NUP205: variants seen among roughly 807,000 people sequenced by gnomAD.
The protein encoded by NUP205 is nuclear pore complex protein Nup205.
In NUP205, 76 loss-of-function variants were observed where a neutral mutation model predicts 253.8. That is an observed-to-expected ratio of 0.30 (90% confidence interval 0.25 to 0.36). The LOEUF (loss-of-function observed/expected upper bound fraction) is 0.36, where lower values mean the gene tolerates loss of function less well. Among genes scored for constraint, NUP205 ranks in the 10% least tolerant of loss-of-function variants. The probability of loss-of-function intolerance (pLI) is 1.00; values close to 1 mark genes in which losing one functional copy is unlikely to be tolerated. For missense variants in NUP205, 2,162 were observed against 2,425.5 expected, an observed-to-expected ratio of 0.89 and a Z score of 2.28; for synonymous variants, 832 against 850.1, an observed-to-expected ratio of 0.98 and a Z score of 0.37.
intron 1 of NUP205, among the ~76,000 whole-genome samples, chr7:135,558,800 A>G (rs913024190): frequency 1.3e-5 from 2 of 152,206 alleles, no homozygotes; most frequent in African/African-American, 4.8e-5. Context: ...TAATGCCTCG[A>G]TTGAGATGCT....
intron 16 of NUP205, 56 bp from the exon 17 acceptor site, chr7:135,601,314 G>C: frequency 6.8e-7 from 1 of 1,469,846 alleles, no homozygotes; most frequent in Non-Finnish European, 9.4e-7. Flanking sequence ...TATAAATCAA[G>C]GGTGTGACAA....
intron 18 of NUP205, among the ~76,000 whole-genome samples, chr7:135,603,616 T>TCTCCCACCTCAGC (rs201462533): frequency 0.036 from 5,486 of 151,606 alleles, 134 homozygotes; most frequent in Middle Eastern, 0.099. Flanking sequence ...CTCAGGCGAT[T>TCTCCCACCTCAGC]CTCCCACCTC....
At chr7:135,621,452 C>A (rs1794468322) in intron 30 of NUP205, among the ~76,000 whole-genome samples, 1 of 152,146 alleles carries the variant, frequency 6.6e-6, no homozygotes, top group African/African-American at 2.4e-5. Context: ...CTAGGTGGGG[C>A]TCTACAATAG....
intron 42 of NUP205, among the ~76,000 whole-genome samples, chr7:135,647,393 A>G (rs904886828): frequency 6.6e-6 from 1 of 152,232 alleles, no homozygotes; most frequent in Non-Finnish European, 1.5e-5. Context: ...CCCAATCCAG[A>G]CTACATTCGC....
Position 135,597,394 on chromosome 7 carries a change from C to G in NUP205, c.2040C>G (p.Ser680Arg). 2 of 1,611,188 alleles carry G rather than the reference C, an allele frequency of 1.2e-6. No individual in the cohort carries two copies. Among genetic ancestry groups the G allele is most frequent in the Non-Finnish European group, 1.7e-6 (2 of 1,177,436 alleles). The change falls in exon 14 of 43, where the codon AGC becomes AGG. Residue 680 changes from serine (S) to arginine (R), a missense_variant. This residue lies in a region of NUP205 where 892 missense variants were observed against 957.1 expected (regional missense o/e 0.93). Coordinates refer to ENST00000285968, the MANE Select transcript of NUP205 (RefSeq NM_015135.3). Reference sequence around the variant, plus strand: ...TACTGCAGACCGTGAGGATTCCAAGCCAAAGGCAAGCTATTGGTATTGAGG... The same window carrying G: ...TACTGCAGACCGTGAGGATTCCAAGGCAAAGGCAAGCTATTGGTATTGAGG... Reference protein sequence around the residue: ...TQILQTVRIPSQRQAIGIEVE... With the variant: ...TQILQTVRIPRQRQAIGIEVE...
intron 36 of NUP205, 88 bp from the exon 37 acceptor site, chr7:135,637,843 C>A: frequency 1.6e-6 from 2 of 1,229,348 alleles, no homozygotes; most frequent in Non-Finnish European, 2.3e-6. Context: ...TGATTCCATT[C>A]TCCACTGAGT....
intron 3 of NUP205, among the ~76,000 whole-genome samples, chr7:135,575,072 T>C (rs1806116862): frequency 6.6e-6 from 1 of 152,198 alleles, no homozygotes; most frequent in African/African-American, 2.4e-5. Context: ...ATTATATCAC[T>C]CCAGTGATAT....
intron 42 of NUP205, 97 bp downstream of exon 42, chr7:135,646,328 C>T (rs1340917588): frequency 2.4e-5 from 21 of 875,572 alleles, no homozygotes; most frequent in South Asian, 1.3e-4. Flanking sequence ...TTTGGGAGGC[C>T]GAGACGGGAG....
intron 15 of NUP205, among the ~76,000 whole-genome samples, chr7:135,599,648 T>C (rs73725166): frequency 0.034 from 5,163 of 152,298 alleles, 119 homozygotes; most frequent in Middle Eastern, 0.1. Flanking sequence ...GAGCATTAGT[T>C]AGCCATATTC....
chr7:135,636,794 C>T (rs1563138843), intron 36 of NUP205, among the ~76,000 whole-genome samples: 1 of 152,010 alleles, frequency 6.6e-6, no homozygotes, highest in Non-Finnish European at 1.5e-5. Flanking sequence ...TCGCTTGAGG[C>T]CAGGAGTTTG....
At chr7:135,615,398 A>G (rs777275129) in intron 23 of NUP205, among the ~76,000 whole-genome samples, 1 of 152,198 alleles carries the variant, frequency 6.6e-6, no homozygotes, top group African/African-American at 2.4e-5. Context: ...TGTCTCTACA[A>G]TAAAAAATAA....
intron 1 of NUP205, among the ~76,000 whole-genome samples, chr7:135,570,702 TTATATTA>T (rs1805944657): frequency 9.1e-6 from 1 of 110,490 alleles, no homozygotes; most frequent in African/African-American, 3.7e-5. Flanking sequence ...ATATAATTAA[TTATATTA>T]ATATAATTAA....
chr7:135,614,290 C>T lies in NUP205; in HGVS notation c.3310+17C>T. 7.9e-7 allele frequency: 1 copy of T among 1,266,902 alleles called. No homozygotes were observed. Among genetic ancestry groups the T allele is most frequent in the Non-Finnish European group, 1.2e-6 (1 of 864,652 alleles). 78.5% of individuals were successfully genotyped at this position (1,266,902 alleles called of 1,614,324 possible). Reference sequence around the variant, plus strand: ...CTAACAAAGGTAGGCCATTATTTTCCCGTATTTATAAGAACACATTTATAA... The same window carrying T: ...CTAACAAAGGTAGGCCATTATTTTCTCGTATTTATAAGAACACATTTATAA... On this transcript the variant is annotated intron_variant, in intron 23 of 42. Transcript: ENST00000285968.
rs1043660808 is a variant in NUP205, at chr7:135,619,434, T to A, written c.3975T>A (p.Asp1325Glu). 6.2e-7 allele frequency: 1 copy of A among 1,612,658 alleles called. No individual in the cohort carries two copies. Among genetic ancestry groups the A allele is most frequent in the Non-Finnish European group, 8.5e-7 (1 of 1,179,908 alleles). Residue 1325 changes from aspartate (D) to glutamate (E), a missense_variant, in exon 29 of 43, where the codon GAT (aspartate) becomes GAA (glutamate). Transcript: ENST00000285968. ...CCTTGTCCTTTAAGATACTGGATGA[T>A]GAAGCTGCGCAAGAGTTAATGCCTG... is the stretch of plus-strand genomic sequence containing the variant. ...LQDVHDKILD[D>E]EAAQELMPVV... is the part of the protein sequence containing the mutation.
intron 8 of NUP205, among the ~76,000 whole-genome samples, chr7:135,586,503 A>G (rs1290008332): frequency 1.3e-5 from 2 of 152,120 alleles, no homozygotes; most frequent in East Asian, 1.9e-4. Flanking sequence ...TTTTTAAGAT[A>G]TAAGCTTAGA....
chr7:135,581,023 G>A (rs557161224), intron 7 of NUP205, among the ~76,000 whole-genome samples: 1 of 152,022 alleles, frequency 6.6e-6, no homozygotes, highest in Non-Finnish European at 1.5e-5. Flanking sequence ...AGCTTTAATA[G>A]TTAGGGGTAT....
At chr7:135,623,046 G>A (rs1414920655) in intron 31 of NUP205, 121 bp downstream of exon 31, 1 of 941,530 alleles carries the variant, frequency 1.1e-6, no homozygotes, top group East Asian at 2.7e-5. Flanking sequence ...CGAAGGCCAA[G>A]GTGGGTGGAT....
At chr7:135,596,979 A>G (rs955393312) in intron 13 of NUP205, among the ~76,000 whole-genome samples, 1 of 151,910 alleles carries the variant, frequency 6.6e-6, no homozygotes, top group Non-Finnish European at 1.5e-5. Context: ...AAAAAATTGA[A>G]AAAAAGAAGT....
At chr7:135,632,196 A>G (rs960249636) in intron 35 of NUP205, among the ~76,000 whole-genome samples, 7 of 152,224 alleles carry the variant, frequency 4.6e-5, no homozygotes, top group African/African-American at 1.7e-4. Context: ...TGCTTAGAAT[A>G]TGTAATATAA....
Sources: allele counts gnomAD v4.1 joint callset (sites outside exome capture counted in the v4.1 genomes callset), GRCh38; gene constraint gnomAD v4.1.1; regional missense constraint gnomAD v4.1.1; transcripts MANE v1.5; gene names NCBI Gene and HGNC (gene_info 2026-07-23, HGNC 2026-07-21).